Variants in PPP1R36 observed in about 807,000 individuals in gnomAD.
PPP1R36 encodes protein phosphatase 1 regulatory subunit 36, also known as chromosome 14 open reading frame 50.
In PPP1R36, 47 loss-of-function variants were observed where a neutral mutation model predicts 53.4. The observed-to-expected ratio is 0.88, with a 90% CI of 0.70 to 1.12. PPP1R36 has a LOEUF of 1.12. PPP1R36 is among the 50% of genes most tolerant of loss of function. The pLI is 0.00. For missense variants in PPP1R36, 456 were observed against 513.9 expected (o/e 0.89, Z 1.09); for synonymous variants, 153 against 170.5 (o/e 0.90, Z 0.80).
At chr14:64,564,577 G>A (rs1363715013) in intron 3 of PPP1R36, among the ~76,000 whole-genome samples, 174 bp from the exon 4 acceptor site, 1 of 152,222 alleles carries the variant, frequency 6.6e-6, no homozygotes, top group Admixed American at 6.5e-5. Flanking sequence ...AAAGTCTGAA[G>A]TTTTAATTTT....
Position 64,565,629 on chromosome 14 carries a change from T to C in PPP1R36, c.371T>C (p.Val124Ala). 1 of 1,613,428 alleles carries C rather than the reference T, an allele frequency of 6.2e-7. No homozygotes were observed. Reference protein sequence around the residue: ...GTITLDDVKFVTLLLLQDTEM... With the variant: ...GTITLDDVKFATLLLLQDTEM... ...ATTGTTCATTTTCTCTTTTCAGTTG[T>C]TACTTTGCTTTTGCTACAAGATACT... is the stretch of plus-strand genomic sequence containing the variant. Residue 124 changes from valine (V) to alanine (A), a missense_variant, in exon 6 of 12, where the codon GTT (valine) becomes GCT (alanine). Val to Ala is a moderately conservative substitution (Grantham distance 64). Transcript: ENST00000298705.
intron 7 of PPP1R36, among the ~76,000 whole-genome samples, chr14:64,569,342 C>T (rs2080285266): frequency 6.6e-6 from 1 of 152,146 alleles, no homozygotes; most frequent in South Asian, 2.1e-4. Context: ...TAAGTTGTTG[C>T]TGCAGGATGT....
At chr14:64,575,454 G>T (rs1338749269) in intron 8 of PPP1R36, among the ~76,000 whole-genome samples, 3 of 152,028 alleles carry the variant, frequency 2.0e-5, no homozygotes, top group African/African-American at 7.2e-5. Context: ...ATACATATTT[G>T]CTTAACCATT....
At chr14:64,564,942 G>T (rs894154991) in intron 4 of PPP1R36, 105 bp downstream of exon 4, 1 of 728,214 alleles carries the variant, frequency 1.4e-6, no homozygotes, top group South Asian at 1.8e-5. Flanking sequence ...ATTCTAGGTC[G>T]CAATGCGAAT....
intron 3 of PPP1R36, among the ~76,000 whole-genome samples, chr14:64,554,142 GTTTTTT>G (rs367753961): frequency 6.3e-4 from 41 of 65,290 alleles, no homozygotes; most frequent in African/African-American, 2.3e-3. Flanking sequence ...CATCACAATT[GTTTTTT>G]TTTTTTTTTT....
intron 3 of PPP1R36, among the ~76,000 whole-genome samples, chr14:64,561,298 CA>C (rs1315152022): frequency 6.6e-6 from 1 of 152,134 alleles, no homozygotes; most frequent in Admixed American, 6.6e-5. Context: ...CTCTCCTGGT[CA>C]AATGAAACAG....
Position 64,586,835 on chromosome 14 carries a change from A to G in PPP1R36, c.669-2A>G. ...CTATAGTTGTGACTTGTTATATTACAGGGAGAAAATATCAGATACACAGAA... is the reference window on the plus strand; with the variant it reads ...CTATAGTTGTGACTTGTTATATTACGGGGAGAAAATATCAGATACACAGAA... On this transcript the variant is annotated splice_acceptor_variant, in intron 8 of 11. Transcript: ENST00000298705. LOFTEE classifies it high-confidence loss of function. The G allele has an allele frequency of 6.2e-7, 1 of 1,608,768 alleles. No individual in the cohort carries two copies. The highest frequency in any genetic ancestry group is 1.1e-5 in the South Asian group (1 of 90,782).
At chr14:64,574,065 C>T (rs928087392) in intron 7 of PPP1R36, among the ~76,000 whole-genome samples, 4 of 151,514 alleles carry the variant, frequency 2.6e-5, no homozygotes, top group African/African-American at 9.7e-5. Context: ...AGTCTGTTGA[C>T]TCACTTGTAT....
At chr14:64,563,082 T>C (rs1370856138) in intron 3 of PPP1R36, among the ~76,000 whole-genome samples, 2 of 152,142 alleles carry the variant, frequency 1.3e-5, no homozygotes, top group African/African-American at 4.8e-5. Flanking sequence ...GTCAGGCTGG[T>C]CTCAAACTCC....
At chr14:64,551,031 G>T in intron 2 of PPP1R36, 46 bp downstream of exon 2, 1 of 1,285,634 alleles carries the variant, frequency 7.8e-7, no homozygotes. Flanking sequence ...AAAATTACAT[G>T]TGCCTGGGGG....
Position 64,589,228 on chromosome 14 carries a change from A to G in PPP1R36, c.1159A>G (p.Lys387Glu). 2 of 1,614,056 alleles carry G rather than the reference A, an allele frequency of 1.2e-6. No homozygotes were observed. Among genetic ancestry groups the G allele is most frequent in the Non-Finnish European group, 1.7e-6 (2 of 1,179,952 alleles). ...LHPLDPEENT[K>E]SFGRYPSLME... is the part of the protein sequence containing the mutation. ...CCCCCTTGATCCAGAAGAAAACACA[A>G]AATCATTTGGGAGATATCCTTCCTT... Residue 387 changes from lysine (K) to glutamate (E), a missense_variant, in exon 12 of 12, where the codon AAA becomes GAA. Lys to Glu is a moderately conservative substitution (Grantham distance 56). Coordinates refer to ENST00000298705, the MANE Select transcript of PPP1R36 (RefSeq NM_172365.3).
intron 1 of PPP1R36, 169 bp downstream of exon 1, chr14:64,550,235 A>G (rs554204254): frequency 1.4e-6 from 2 of 1,393,052 alleles, no homozygotes; most frequent in African/African-American, 3.0e-5. Context: ...AAAAAAAAAA[A>G]CTCTGGTGTA....
At chr14:64,566,631 G>A (rs985181217) in intron 6 of PPP1R36, among the ~76,000 whole-genome samples, 3 of 152,144 alleles carry the variant, frequency 2.0e-5, no homozygotes, top group Non-Finnish European at 4.4e-5. Context: ...ATGGCTATGC[G>A]TGGCTGTGCC....
At chr14:64,584,544 T>G (rs1422608113) in intron 8 of PPP1R36, among the ~76,000 whole-genome samples, 1 of 152,202 alleles carries the variant, frequency 6.6e-6, no homozygotes, top group African/African-American at 2.4e-5. Flanking sequence ...GAAGAAATGC[T>G]GAGGCTTGCT....
chr14:64,588,253 T>A lies in PPP1R36; in HGVS notation c.1040T>A (p.Met347Lys). The A allele has an allele frequency of 6.2e-7, 1 of 1,613,852 alleles. No homozygotes were observed. Among genetic ancestry groups the A allele is most frequent in the Admixed American group, 1.7e-5 (1 of 60,010 alleles). ...HQVDVRFPAE[M>K]QKHVGTLDSV... ...GTAGACGTCAGATTCCCAGCCGAGA[T>A]GCAAAAGCATGTGGGAACTCTGGAC... Residue 347 changes from methionine (M) to lysine (K), a missense_variant, in exon 11 of 12, where the codon ATG (methionine) becomes AAG (lysine). Transcript: ENST00000298705.
chr14:64,563,516 A>AAT (rs199779788), intron 3 of PPP1R36, among the ~76,000 whole-genome samples: 1,733 of 152,188 alleles, frequency 0.011, 20 homozygotes, highest in South Asian at 0.033. Context: ...CCCTTGAGGT[A>AAT]ATATTATGTA....
intron 7 of PPP1R36, among the ~76,000 whole-genome samples, chr14:64,569,297 A>G (rs1347626162): frequency 2.0e-5 from 3 of 152,114 alleles, no homozygotes; most frequent in Non-Finnish European, 2.9e-5. Flanking sequence ...AACCAACCCA[A>G]TGATTTAGCT....
chr14:64,577,718 C>CTTTTTTTTTTTTTTTTTTTTTTTTTTTTT (rs10667127), intron 8 of PPP1R36, among the ~76,000 whole-genome samples: 1 of 94,448 alleles, frequency 1.1e-5, no homozygotes, highest in Non-Finnish European at 1.9e-5. Context: ...GCCATGATTA[C>CTTTTTTTTTTTTTTTTTTTTTTTTTTTTT]TTTTTTTTTT....
chr14:64,578,856 C>T (rs1490917011), intron 8 of PPP1R36, among the ~76,000 whole-genome samples: 2 of 152,176 alleles, frequency 1.3e-5, no homozygotes, highest in Non-Finnish European at 2.9e-5. Context: ...TGGAATCAAC[C>T]TAAATGCCCA....
Sources: gnomAD v4.1 joint callset for allele counts (sites outside exome capture counted in the v4.1 genomes callset) on GRCh38, gnomAD v4.1.1 for gene constraint, MANE v1.5 for transcripts, NCBI Gene and HGNC (gene_info 2026-07-23, HGNC 2026-07-21) for gene names.